RERE: variants seen among roughly 807,000 people sequenced by gnomAD.
The protein encoded by RERE is arginine-glutamic acid dipeptide repeats protein.
In RERE, 40 loss-of-function variants were observed where a neutral mutation model predicts 146.1. The ratio of observed to expected loss-of-function variants is 0.27; its 90% CI spans 0.21 to 0.36. The LOEUF is 0.36. Ranked by LOEUF, RERE falls within the 10% of genes least tolerant of loss-of-function variation. The pLI, the probability that RERE is intolerant of heterozygous loss-of-function variation, is 1.00. For synonymous variants in RERE, 1,003 were observed against 866.0 expected (o/e 1.16, Z -2.78); for missense variants, 1,933 against 2,138.7 (o/e 0.90, Z 1.90).
chr1:8,767,437 C>T (rs1362332334), intron 1 of RERE, among the ~76,000 whole-genome samples: 2 of 151,962 alleles, frequency 1.3e-5, no homozygotes, highest in Non-Finnish European at 2.9e-5. Flanking sequence ...CTCATCTCTA[C>T]AAAAAGCAAG....
intron 4 of RERE, among the ~76,000 whole-genome samples, chr1:8,564,354 AATTT>A (rs1334754726): frequency 9.9e-5 from 15 of 152,196 alleles, no homozygotes; most frequent in Non-Finnish European, 1.6e-4. Flanking sequence ...CTAAACACAA[AATTT>A]ATTTATGTTT....
At chr1:8,425,257 G>A (rs1023850452) in intron 11 of RERE, 2 of 152,242 alleles carry the variant, frequency 1.3e-5, no homozygotes, top group African/African-American at 4.8e-5. Context: ...GCTGAGAGGG[G>A]TCTAGGAAGA....
At chr1:8,529,938 G>T (rs781048455) in intron 7 of RERE, among the ~76,000 whole-genome samples, 1 of 152,106 alleles carries the variant, frequency 6.6e-6, no homozygotes, top group Non-Finnish European at 1.5e-5. Flanking sequence ...GTGCTTAAGG[G>T]CATCCCAGAG....
chr1:8,503,087 A>AAAATAAAT (rs199506860), intron 8 of RERE, among the ~76,000 whole-genome samples: 2,279 of 144,636 alleles, frequency 0.016, 34 homozygotes, highest in East Asian at 0.051. Flanking sequence ...TGATCAATTA[A>AAAATAAAT]AAATAAATAA....
In RERE at chr1:8,354,363, T is replaced by A. The variant is rs1378161724; in HGVS notation, c.*724A>T. 6.6e-6 allele frequency: 1 copy of A among 152,654 alleles called. No homozygotes were observed. The highest frequency in any genetic ancestry group is 1.5e-5 in the Non-Finnish European group (1 of 68,044). 9.5% of individuals were successfully genotyped at this position (152,654 alleles called of 1,614,324 possible). ...CTGTGACCAGGCCTCGGTCCAAGCC[T>A]CTGTCCATGTGGAACGCCCCTTTGC... On this transcript the variant is annotated 3_prime_UTR_variant, in exon 23 of 23. Transcript: ENST00000400908.
intron 7 of RERE, among the ~76,000 whole-genome samples, chr1:8,513,732 A>G (rs535548339): frequency 1.3e-5 from 2 of 152,354 alleles, no homozygotes; most frequent in African/African-American, 2.4e-5. Flanking sequence ...GTGAGCCAAC[A>G]TCGTGCCATT....
At chr1:8,582,386 T>TC (rs1553188583) in intron 4 of RERE, among the ~76,000 whole-genome samples, 50 of 151,782 alleles carry the variant, frequency 3.3e-4, no homozygotes, top group East Asian at 5.8e-4. Context: ...TTTTTTTTTT[T>TC]TCTCTCTCTT....
intron 10 of RERE, among the ~76,000 whole-genome samples, chr1:8,493,579 C>T (rs1557656863): frequency 6.6e-6 from 1 of 152,168 alleles, no homozygotes; most frequent in African/African-American, 2.4e-5. Context: ...ATGGGGACTA[C>T]TTTCTTCCCT....
intron 4 of RERE, among the ~76,000 whole-genome samples, chr1:8,568,943 C>T (rs1389441121): frequency 2.0e-5 from 3 of 152,268 alleles, no homozygotes; most frequent in Admixed American, 2.0e-4. Context: ...ATGTCAGATT[C>T]AGCTTTAAAA....
At chr1:8,660,772 A>G (rs1005721855) in intron 1 of RERE, among the ~76,000 whole-genome samples, 2 of 152,240 alleles carry the variant, frequency 1.3e-5, no homozygotes, top group African/African-American at 4.8e-5. Flanking sequence ...AACATTGAAA[A>G]TATCTGTGTC....
intron 12 of RERE, among the ~76,000 whole-genome samples, chr1:8,382,441 C>T (rs776828230): frequency 6.6e-6 from 1 of 152,256 alleles, no homozygotes; most frequent in Non-Finnish European, 1.5e-5. Flanking sequence ...CAGCCACGTG[C>T]GCATGCGTGC....
At chr1:8,420,470 T>G (rs1643893966) in intron 12 of RERE, among the ~76,000 whole-genome samples, 1 of 152,124 alleles carries the variant, frequency 6.6e-6, no homozygotes, top group Non-Finnish European at 1.5e-5. Flanking sequence ...TGCCCTCCCC[T>G]CCCTGTGGGC....
At chr1:8,513,549 TGGGA>T (rs1645370837) in intron 7 of RERE, among the ~76,000 whole-genome samples, 1 of 151,988 alleles carries the variant, frequency 6.6e-6, no homozygotes, top group South Asian at 2.1e-4. Context: ...GGGGCCGAGG[TGGGA>T]GGATCACTTG....
At chr1:8,508,574 C>A in intron 8 of RERE, 53 bp downstream of exon 8, 2 of 1,299,934 alleles carry the variant, frequency 1.5e-6, no homozygotes, top group Non-Finnish European at 2.2e-6. Flanking sequence ...AAAGTGCCAG[C>A]AGAGTAATAA....
chr1:8,585,196 C>T (rs1000180721), intron 4 of RERE, among the ~76,000 whole-genome samples: 3 of 151,772 alleles, frequency 2.0e-5, no homozygotes, highest in Non-Finnish European at 4.4e-5. Flanking sequence ...TCTGTCACCC[C>T]TTGTGTCCTT....
intron 8 of RERE, among the ~76,000 whole-genome samples, chr1:8,501,284 G>A (rs1158534421): frequency 7.5e-6 from 1 of 133,860 alleles, no homozygotes; most frequent in Admixed American, 7.0e-5. Context: ...CCCCTACCGG[G>A]AAGTGAGGAC....
intron 12 of RERE, among the ~76,000 whole-genome samples, chr1:8,369,712 TTCTTC>T (rs1309410197): frequency 6.6e-6 from 1 of 151,898 alleles, no homozygotes; most frequent in Non-Finnish European, 1.5e-5. Flanking sequence ...AACCCAGCAA[TTCTTC>T]TCTTATTTAC....
At position 8,443,867 on chromosome 1, in the gene RERE, T is replaced by G. The variant is rs1644284353; in HGVS notation, c.1204-21060A>C. ...GCAGGTGTACAGAGTGCAAGAGTGATGGAGGCTTGGCAGCCTCTGCCAAGA... is the reference window on the plus strand; with the variant it reads ...GCAGGTGTACAGAGTGCAAGAGTGAGGGAGGCTTGGCAGCCTCTGCCAAGA... On this transcript the variant is annotated intron_variant, in intron 11 of 22. Transcript: ENST00000400908. 2.1e-5 allele frequency among the ~76,000 whole-genome samples: 3 copies of G among 141,710 alleles called. No homozygotes were observed. In the Admixed American group the frequency reaches 2.3e-4, roughly 11 times the overall value. The allele number at this position is 141,710 out of a possible 152,430, so 93.0% of individuals were successfully genotyped here.
At chr1:8,701,885 G>C (rs1639459056) in intron 1 of RERE, among the ~76,000 whole-genome samples, 2 of 152,090 alleles carry the variant, frequency 1.3e-5, no homozygotes, top group African/African-American at 4.8e-5. Context: ...TAATTTACTA[G>C]GCAATGTAAA....
Sources: allele counts gnomAD v4.1 joint callset (sites outside exome capture counted in the v4.1 genomes callset), GRCh38; gene constraint gnomAD v4.1.1; transcripts MANE v1.5; gene names NCBI Gene and HGNC (gene_info 2026-07-23, HGNC 2026-07-21).